ITGA2: variants seen among roughly 807,000 people sequenced by gnomAD.
ITGA2 encodes integrin alpha-2.
ITGA2 carries 101 observed loss-of-function variants against 146.3 expected under a neutral mutation model. The observed-to-expected ratio is 0.69, with a 90% CI of 0.59 to 0.81. The LOEUF (loss-of-function observed/expected upper bound fraction) is 0.81, where lower values mean the gene tolerates loss of function less well. Among genes scored for constraint, ITGA2 ranks in the 40% least tolerant of loss-of-function variants. The pLI is 0.00. For missense variants in ITGA2, 1,281 were observed against 1,402.7 expected (o/e 0.91, Z 1.39); for synonymous variants, 477 against 487.1 (o/e 0.98, Z 0.27).
chr5:53,037,984 C>T (rs1743571090), intron 2 of ITGA2, among the ~76,000 whole-genome samples: 1 of 152,158 alleles, frequency 6.6e-6, no homozygotes, highest in South Asian at 2.1e-4. Flanking sequence ...TTACTTTTCT[C>T]TTCTTTCTGA....
intron 2 of ITGA2, among the ~76,000 whole-genome samples, chr5:53,034,467 C>T (rs992361257): frequency 1.2e-4 from 18 of 151,976 alleles, no homozygotes; most frequent in Admixed American, 2.6e-4. Flanking sequence ...TTTGCTTCTT[C>T]GTTCCTTCAC....
chr5:53,043,464 T>G (rs1743906953), intron 3 of ITGA2, among the ~76,000 whole-genome samples: 1 of 152,188 alleles, frequency 6.6e-6, no homozygotes, highest in Non-Finnish European at 1.5e-5. Flanking sequence ...ATTTTCTGTC[T>G]TCACTCTAAC....
At chr5:53,050,322 A>G (rs1353231876) in intron 6 of ITGA2, among the ~76,000 whole-genome samples, 1 of 152,004 alleles carries the variant, frequency 6.6e-6, no homozygotes, top group Non-Finnish European at 1.5e-5. Context: ...CATTTCTTTA[A>G]ATCTTTTTTC....
At chr5:53,026,299 T>C (rs1742940357) in intron 1 of ITGA2, among the ~76,000 whole-genome samples, 3 of 152,202 alleles carry the variant, frequency 2.0e-5, no homozygotes, top group Admixed American at 2.0e-4. Flanking sequence ...GATGATACCC[T>C]TCAGCCCTTG....
At chr5:53,031,097 C>T (rs1743199854) in intron 2 of ITGA2, among the ~76,000 whole-genome samples, 1 of 152,230 alleles carries the variant, frequency 6.6e-6, no homozygotes, top group African/African-American at 2.4e-5. Context: ...TTTGTTTTGA[C>T]AGTGGGCCCT....
intron 12 of ITGA2, among the ~76,000 whole-genome samples, chr5:53,062,455 A>G (rs1744944313): frequency 6.6e-6 from 1 of 151,910 alleles, no homozygotes; most frequent in Admixed American, 6.6e-5. Context: ...ACCCCCTGGC[A>G]TCAGAAACAC....
In ITGA2 at chr5:53,045,026, T is replaced by G. The variant is rs759791124; in HGVS notation, c.321T>G (p.Thr107=). Residue 107 remains threonine, a synonymous_variant, in exon 4 of 30, where the codon ACT becomes ACG. Transcript: ENST00000296585. ...CTTCAACAAGCATTCCAAATGTTAC[T>G]GAGATGAAAACCAACATGAGCCTCG... ...LQTSTSIPNV[T]EMKTNMSLGL... is the part of the protein sequence containing the mutation. 1.9e-6 allele frequency: 3 copies of G among 1,613,690 alleles called. No homozygotes were observed. Among genetic ancestry groups the G allele is most frequent in the Non-Finnish European group, 2.5e-6 (3 of 1,179,738 alleles).
intron 29 of ITGA2, 71 bp from the exon 30 acceptor site, chr5:53,090,448 G>C (rs938387340): frequency 2.6e-5 from 35 of 1,336,032 alleles, no homozygotes; most frequent in Middle Eastern, 1.8e-4. Context: ...GACGTGGGCA[G>C]CCAAGGGGGT....
At chr5:53,015,547 A>G (rs1742362732) in intron 1 of ITGA2, among the ~76,000 whole-genome samples, 1 of 151,982 alleles carries the variant, frequency 6.6e-6, no homozygotes, top group Non-Finnish European at 1.5e-5. Context: ...CCTTGTGCAG[A>G]TGAGAAGAAT....
chr5:53,054,033 T>A (rs1451358806), intron 7 of ITGA2, among the ~76,000 whole-genome samples: 1 of 152,114 alleles, frequency 6.6e-6, no homozygotes, highest in Non-Finnish European at 1.5e-5. Context: ...AATTCAAATT[T>A]GGCCGAAAAA....
chr5:53,035,668 C>T (rs945601999), intron 2 of ITGA2, among the ~76,000 whole-genome samples: 61 of 152,188 alleles, frequency 4.0e-4, no homozygotes, highest in African/African-American at 1.4e-3. Context: ...GACGGGCAGC[C>T]TTCACGGGTG....
intron 27 of ITGA2, among the ~76,000 whole-genome samples, chr5:53,085,334 C>T (rs3212631): frequency 6.6e-6 from 1 of 152,130 alleles, no homozygotes; most frequent in Non-Finnish European, 1.5e-5. Flanking sequence ...TAGGGAGAAG[C>T]CTTGTTGAAC....
At chr5:53,046,964 ATTT>A (rs1301430816) in intron 4 of ITGA2, among the ~76,000 whole-genome samples, 1 of 152,146 alleles carries the variant, frequency 6.6e-6, no homozygotes, top group Non-Finnish European at 1.5e-5. Flanking sequence ...TTTCAAAGTG[ATTT>A]TAAAAAAAGC....
intron 24 of ITGA2, among the ~76,000 whole-genome samples, chr5:53,079,911 T>C (rs1360486537): frequency 6.6e-6 from 1 of 152,152 alleles, no homozygotes; most frequent in Non-Finnish European, 1.5e-5. Context: ...CAGTAGTGTA[T>C]GAGCCCTGGC....
chr5:53,038,370 C>G (rs1164342187), intron 2 of ITGA2, among the ~76,000 whole-genome samples: 1 of 152,132 alleles, frequency 6.6e-6, no homozygotes, highest in Non-Finnish European at 1.5e-5. Context: ...CCTGTTCCTA[C>G]CTGTCATTGG....
intron 1 of ITGA2, among the ~76,000 whole-genome samples, chr5:53,002,918 C>T (rs201361889): frequency 2.8e-4 from 42 of 151,672 alleles, no homozygotes; most frequent in Admixed American, 1.6e-3. Flanking sequence ...TTTCAAGTTA[C>T]GATTTAAAAA....
At chr5:53,019,147 TA>T (rs3212416) in intron 1 of ITGA2, among the ~76,000 whole-genome samples, 1,586 of 152,078 alleles carry the variant, frequency 0.01, 31 homozygotes, top group African/African-American at 0.036. Flanking sequence ...AAGGGTACTT[TA>T]AAAAAATAAT....
At chr5:53,045,162 C>A in intron 4 of ITGA2, 70 bp downstream of exon 4, 1 of 1,130,898 alleles carries the variant, frequency 8.8e-7, no homozygotes, top group Non-Finnish European at 1.3e-6. Context: ...TTCTCACCAT[C>A]CCTCCCAATC....
chr5:53,074,409 C>T lies in ITGA2; in HGVS notation c.2596C>T (p.Gln866Ter). Reference protein sequence around the residue: ...LPVDGTEVTCQVAASQKSVAC... With the variant: ...LPVDGTEVTC ...GGTTGATGGGACAGAAGTAACATGC[C>T]AGGTGGCTGCATCTCAGAAGTCTGT... is the stretch of plus-strand genomic sequence containing the variant. Residue 866 changes from glutamine (Q) to a stop codon, truncating the protein, a stop_gained, in exon 21 of 30, where the codon CAG (glutamine) becomes TAG (stop). Transcript: ENST00000296585. LOFTEE classifies it high-confidence loss of function. The T allele has an allele frequency of 6.2e-7, 1 of 1,612,364 alleles. No individual in the cohort carries two copies. Among genetic ancestry groups the T allele is most frequent in the African/African-American group, 1.3e-5 (1 of 74,898 alleles).
Sources: allele counts gnomAD v4.1 joint callset (sites outside exome capture counted in the v4.1 genomes callset), GRCh38; gene constraint gnomAD v4.1.1; transcripts MANE v1.5; gene names NCBI Gene and HGNC (gene_info 2026-07-23, HGNC 2026-07-21).